AGAP1: variants seen among roughly 807,000 people sequenced by gnomAD.
The protein encoded by AGAP1 is arf-GAP with GTPase, ANK repeat and PH domain-containing protein 1.
Under a neutral mutation model 105.3 loss-of-function variants are expected in AGAP1, and 29 were observed. The observed-to-expected ratio is 0.28, with a 90% CI of 0.21 to 0.38. AGAP1 has a LOEUF of 0.38. Among genes scored for constraint, AGAP1 ranks in the 10% least tolerant of loss-of-function variants. AGAP1 has a pLI of 1.00. For missense variants in AGAP1, 998 were observed against 1,165.1 expected (o/e 0.86, Z 2.09); for synonymous variants, 509 against 485.9 (o/e 1.05, Z -0.63).
At position 236,045,253 on chromosome 2, in the gene AGAP1, T is replaced by C. The variant is rs755694675; in HGVS notation, c.1892-3806T>C. Among the ~76,000 whole-genome samples the C allele has an allele frequency of 2.0e-5, 3 of 152,140 alleles. No individual in the cohort carries two copies. Among genetic ancestry groups the C allele is most frequent in the Non-Finnish European group, 2.9e-5 (2 of 68,018 alleles). On this transcript the variant is annotated intron_variant, in intron 15 of 17. Coordinates refer to ENST00000304032, the MANE Select transcript of AGAP1 (RefSeq NM_001037131.3). This position sits in a 1 kb window ranked among gnomAD's most constrained non-coding sequence, Gnocchi z 6.9. ...TTTTTTCCTGCTTGGTCTGTCCTCATAGAATCTACGTCCTGCATTTCTGTG... is the reference window on the plus strand; with the variant it reads ...TTTTTTCCTGCTTGGTCTGTCCTCACAGAATCTACGTCCTGCATTTCTGTG...
In AGAP1 at chr2:235,737,045, C is replaced by A. The variant is rs761557059; in HGVS notation, c.311-3918C>A. ...GTAGAAAATGAATTTTAAAGTGTTA[C>A]CTACCTGCCAGCCCAGACTTCTCAA... On this transcript the variant is annotated intron_variant, in intron 3 of 17. Coordinates refer to ENST00000304032, the MANE Select transcript of AGAP1 (RefSeq NM_001037131.3). This position sits in a 1 kb window ranked among gnomAD's most constrained non-coding sequence, Gnocchi z 4.5. 8.5e-5 allele frequency among the ~76,000 whole-genome samples: 13 copies of A among 152,144 alleles called. No homozygotes were observed. The highest frequency in any genetic ancestry group is 1.3e-4 in the Non-Finnish European group (9 of 68,018).
At chr2:235,955,023 GT>G (rs1481344659) in intron 12 of AGAP1, among the ~76,000 whole-genome samples, 1 of 152,166 alleles carries the variant, frequency 6.6e-6, no homozygotes, top group African/African-American at 2.4e-5. Context: ...GGCCATCTTA[GT>G]TGACCAAGAT....
intron 6 of AGAP1, among the ~76,000 whole-genome samples, chr2:235,766,907 ATTTTTTT>A (rs71036292): frequency 4.2e-4 from 46 of 109,924 alleles, no homozygotes; most frequent in Middle Eastern, 5.2e-3. Context: ...ACACCGGCTA[ATTTTTTT>A]TTTTTTTTTT....
At position 236,104,400 on chromosome 2, in the gene AGAP1, G is replaced by A. The variant is rs2059433051; in HGVS notation, c.2115-15792G>A. ...GACAGGTGGAGACCTCAATCCTGCA[G>A]CCTCATCAAATGACTCCCCAACAGG... On this transcript the variant is annotated intron_variant, in intron 16 of 17. Coordinates refer to ENST00000304032, the MANE Select transcript of AGAP1 (RefSeq NM_001037131.3). The surrounding 1 kb of genome is among the most constrained non-coding windows in gnomAD (Gnocchi z 4.7). Among the ~76,000 whole-genome samples, 1 of 152,250 alleles carries A rather than the reference G, an allele frequency of 6.6e-6. No individual in the cohort carries two copies. Among genetic ancestry groups the A allele is most frequent in the Non-Finnish European group, 1.5e-5 (1 of 68,042 alleles).
At chr2:235,711,655 G>T (rs756607792) in intron 2 of AGAP1, among the ~76,000 whole-genome samples, 1 of 152,156 alleles carries the variant, frequency 6.6e-6, no homozygotes, top group Non-Finnish European at 1.5e-5. Flanking sequence ...TAGCCCAAGT[G>T]CCTTCTTGTT....
Position 235,668,350 on chromosome 2 carries a change from C to T in AGAP1, c.164-40829C>T, listed in dbSNP as rs563669186. On this transcript the variant is annotated intron_variant, in intron 1 of 17. Coordinates refer to ENST00000304032, the MANE Select transcript of AGAP1 (RefSeq NM_001037131.3). The stretch of plus-strand genomic sequence containing the variant: ...TTCAGTTTTATGCCACTTCCAGTGT[C>T]GTGAACACAATAGGTACCCCCACAA... Among the ~76,000 whole-genome samples, 474 of 152,276 alleles carry T rather than the reference C, an allele frequency of 3.1e-3. 2 individuals are homozygous for T. Among genetic ancestry groups the T allele is most frequent in the African/African-American group, 0.01 (436 of 41,546 alleles).
Position 235,971,063 on chromosome 2 carries a change from G to A in AGAP1, c.1645+2440G>A, listed in dbSNP as rs1054437809. Among the ~76,000 whole-genome samples the A allele has an allele frequency of 5.9e-5, 9 of 152,210 alleles. No homozygotes were observed. The highest frequency in any genetic ancestry group is 1.9e-4 in the African/African-American group (8 of 41,452). ...GTAAGCGGGTGACGTGTGTTTGGAA[G>A]TCCAAGGCAGAGGTTCCAAGGGAGC... On this transcript the variant is annotated intron_variant, in intron 13 of 17. Coordinates refer to ENST00000304032, the MANE Select transcript of AGAP1 (RefSeq NM_001037131.3). This position sits in a 1 kb window ranked among gnomAD's most constrained non-coding sequence, Gnocchi z 4.8.
chr2:235,548,606 T>C (rs1017111282), intron 1 of AGAP1, among the ~76,000 whole-genome samples: 1 of 150,824 alleles, frequency 6.6e-6, no homozygotes, highest in African/African-American at 2.5e-5. Context: ...TGAGCCAAGA[T>C]TGCGCCATTG....
At chr2:235,617,408 A>T (rs781015920) in intron 1 of AGAP1, among the ~76,000 whole-genome samples, 33 of 152,344 alleles carry the variant, frequency 2.2e-4, no homozygotes, top group Non-Finnish European at 3.8e-4. Flanking sequence ...GTTGTAAAGA[A>T]CATTTGTTTT....
chr2:235,877,626 A>C lies in AGAP1; in HGVS notation c.1051-5719A>C, dbSNP rs371412463. Reference sequence around the variant, plus strand: ...ATGACCTAGGAAGTCGGAGATGCCAACTCGGGCAGTGGAATCCAGTGGTGG... The same window carrying C: ...ATGACCTAGGAAGTCGGAGATGCCACCTCGGGCAGTGGAATCCAGTGGTGG... On this transcript the variant is annotated intron_variant, in intron 9 of 17. Coordinates refer to ENST00000304032, the MANE Select transcript of AGAP1 (RefSeq NM_001037131.3). The surrounding 1 kb of genome is among the most constrained non-coding windows in gnomAD (Gnocchi z 4.3). Among the ~76,000 whole-genome samples the C allele has an allele frequency of 1.3e-5, 2 of 152,190 alleles. No homozygotes were observed. Among genetic ancestry groups the C allele is most frequent in the Non-Finnish European group, 2.9e-5 (2 of 68,038 alleles).
intron 16 of AGAP1, among the ~76,000 whole-genome samples, chr2:236,094,560 C>T (rs533939063): frequency 6.6e-6 from 1 of 152,114 alleles, no homozygotes; most frequent in South Asian, 2.1e-4. Flanking sequence ...CCGTGTTGTT[C>T]AGGCTGGTCT....
chr2:235,678,863 C>G (rs1948906288), intron 1 of AGAP1, among the ~76,000 whole-genome samples: 1 of 152,092 alleles, frequency 6.6e-6, no homozygotes, highest in African/African-American at 2.4e-5. Flanking sequence ...CTCCTGCCTG[C>G]CAGCCCCACA....
At chr2:235,670,938 G>A (rs999679730) in intron 1 of AGAP1, 14 of 1,320,714 alleles carry the variant, frequency 1.1e-5, no homozygotes, top group Admixed American at 3.9e-5. Flanking sequence ...GGGGGCCCGG[G>A]CGGCGGGCCC....
intron 9 of AGAP1, among the ~76,000 whole-genome samples, chr2:235,826,484 C>G (rs989154376): frequency 1.3e-5 from 2 of 152,032 alleles, no homozygotes; most frequent in East Asian, 1.9e-4. Flanking sequence ...TCTTGCTGCT[C>G]TGTCACCCAG....
In AGAP1 at chr2:235,517,890, G is replaced by A. The variant is rs1942454527; in HGVS notation, c.163+23041G>A. Among the ~76,000 whole-genome samples the A allele has an allele frequency of 6.8e-6, 1 of 147,354 alleles. No homozygotes were observed. Among genetic ancestry groups the A allele is most frequent in the Non-Finnish European group, 1.5e-5 (1 of 67,590 alleles). ...AAGTGTTGGAGTGAGCCAAGATTGT[G>A]CCTCTGCACTCCAGCCTGGGTGACA... On this transcript the variant is annotated intron_variant, in intron 1 of 17. Coordinates refer to ENST00000304032, the MANE Select transcript of AGAP1 (RefSeq NM_001037131.3). The surrounding 1 kb of genome is among the most constrained non-coding windows in gnomAD (Gnocchi z 4.1).
intron 9 of AGAP1, among the ~76,000 whole-genome samples, chr2:235,851,187 G>A (rs1336000750): frequency 6.6e-6 from 1 of 152,246 alleles, no homozygotes; most frequent in Non-Finnish European, 1.5e-5. Flanking sequence ...GGCCTAGAGT[G>A]CAAGGAGCCA....
At chr2:235,916,852 AG>A (rs1384132228) in intron 11 of AGAP1, among the ~76,000 whole-genome samples, 13 of 152,252 alleles carry the variant, frequency 8.5e-5, no homozygotes, top group Non-Finnish European at 1.9e-4. Flanking sequence ...TAATGGACAT[AG>A]GGCTTAGACT....
Position 235,788,095 on chromosome 2 carries a change from A to T in AGAP1, c.674-9664A>T, listed in dbSNP as rs1402523528. 6.6e-6 allele frequency among the ~76,000 whole-genome samples: 1 copy of T among 152,158 alleles called. No homozygotes were observed. Among genetic ancestry groups the T allele is most frequent in the Non-Finnish European group, 1.5e-5 (1 of 68,038 alleles). On this transcript the variant is annotated intron_variant, in intron 6 of 17. Transcript: ENST00000304032. The surrounding 1 kb of genome is among the most constrained non-coding windows in gnomAD (Gnocchi z 6.0). ...ATGCCTCATGGGGTCATCCTGACTT[A>T]ACCTGATGGGTAGGACTTACTTGAG...
chr2:235,947,986 G>A (rs1002591712), intron 12 of AGAP1, among the ~76,000 whole-genome samples: 1 of 152,168 alleles, frequency 6.6e-6, no homozygotes, highest in Non-Finnish European at 1.5e-5. Context: ...CAAAGCCTGA[G>A]CGTTGGGCTA....
Sources: gnomAD v4.1 joint callset for allele counts (sites outside exome capture counted in the v4.1 genomes callset) on GRCh38, gnomAD v4.1.1 for gene constraint, Gnocchi (gnomAD v3.1) non-coding constraint, MANE v1.5 for transcripts, NCBI Gene and HGNC (gene_info 2026-07-23, HGNC 2026-07-21) for gene names.